Variants in SHISAL1 observed in about 807,000 individuals in gnomAD.
SHISAL1 encodes the protein protein shisa-like-1.
A neutral mutation model predicts 22.6 loss-of-function variants in SHISAL1; 9 were observed. The observed-to-expected ratio is 0.40, with a 90% CI of 0.24 to 0.70. The LOEUF (loss-of-function observed/expected upper bound fraction) is 0.70, where lower values mean the gene tolerates loss of function less well. SHISAL1 is among the 30% of genes least tolerant of loss of function. The pLI, the probability that SHISAL1 is intolerant of heterozygous loss-of-function variation, is 0.39. For missense variants in SHISAL1, 246 were observed against 270.6 expected (o/e 0.91, Z 0.64); for synonymous variants, 119 against 115.4 (o/e 1.03, Z -0.20).
Position 44,296,684 on chromosome 22 carries a change from C to A in SHISAL1, c.269G>T (p.Gly90Val), listed in dbSNP as rs1416522784. The stretch of plus-strand genomic sequence containing the variant: ...GAGTGGCACTCACTTGTGCATGTAA[C>A]CCTCGGAGCTGGCCGTGAGGTTCGC... ...MQANLTASSE[G>V]YMHNNYTALL... The change falls in exon 3 of 5, where the codon GGT (glycine) becomes GTT (valine). Residue 90 changes from glycine to valine, a missense_variant. Physicochemically the swap from Gly to Val is moderately radical, Grantham distance 109 (BLOSUM62 -3). This residue lies in a region of SHISAL1 where 110 missense variants were observed against 153.1 expected (regional missense o/e 0.72). Transcript: ENST00000381176. 2 of 1,613,634 alleles carry A rather than the reference C, an allele frequency of 1.2e-6. No individual in the cohort carries two copies. The highest frequency in any genetic ancestry group is 1.7e-6 in the Non-Finnish European group (2 of 1,180,000).
At chr22:44,267,995 C>CT (rs2147278250) in intron 4 of SHISAL1, among the ~76,000 whole-genome samples, 1 of 152,340 alleles carries the variant, frequency 6.6e-6, no homozygotes, top group South Asian at 2.1e-4. Flanking sequence ...GCTGCCCTGG[C>CT]TTTGGGAGTG....
chr22:44,322,589 C>T, the SHISAL1 span, among the ~76,000 whole-genome samples: 2 of 152,216 alleles, frequency 1.3e-5, no homozygotes, highest in African/African-American at 4.8e-5. Context: ...GCAAGCCAGT[C>T]CTCTCCCCAC....
rs2055154007 is a variant in SHISAL1 at position 44,265,247 on chromosome 22, T to G, written c.*-15562A>C. Among the ~76,000 whole-genome samples the G allele has an allele frequency of 2.6e-5, 4 of 152,016 alleles. No homozygotes were observed. In the South Asian group the frequency reaches 8.3e-4, roughly 32 times the overall value. The stretch of plus-strand genomic sequence containing the variant: ...CTCGCTTGTAACAAATGGGTAGAAG[T>G]GACAGGGATGGGATGTCCCTTCCAA... On this transcript the variant is annotated intron_variant, in intron 4 of 4. Transcript: ENST00000381176.
chr22:44,317,658 C>A (rs1010648517), upstream of SHISAL1, among the ~76,000 whole-genome samples: 73 of 152,198 alleles, frequency 4.8e-4, no homozygotes, highest in African/African-American at 1.6e-3. Flanking sequence ...GGGGCCGAAC[C>A]CCCAGGAAGA....
intron 4 of SHISAL1, among the ~76,000 whole-genome samples, chr22:44,281,108 T>C (rs1424333092): frequency 6.6e-6 from 1 of 151,994 alleles, no homozygotes; most frequent in Non-Finnish European, 1.5e-5. Context: ...GCCCTGGCTG[T>C]ACAGAGGTGA....
intron 3 of SHISAL1, among the ~76,000 whole-genome samples, chr22:44,288,647 AG>A (rs2147293215): frequency 6.6e-6 from 1 of 152,330 alleles, no homozygotes; most frequent in East Asian, 1.9e-4. Flanking sequence ...TCTCAAAAAA[AG>A]AAAAACAAAA....
chr22:44,311,682 G>T (rs1321220301), intron 1 of SHISAL1, among the ~76,000 whole-genome samples: 2 of 152,202 alleles, frequency 1.3e-5, no homozygotes, highest in South Asian at 4.1e-4. Flanking sequence ...CAGCTGAAAG[G>T]GGCTTAGCTG....
In SHISAL1 at chr22:44,289,835, G is replaced by T. The variant is rs562208346; in HGVS notation, c.282-4090C>A. ...AAATTAATTCCATCCAGATGCAGGG[G>T]TCTTTGTTGTGTGGGTGTGTGTTTT... On this transcript the variant is annotated intron_variant, in intron 3 of 4. Coordinates refer to ENST00000381176, the MANE Select transcript of SHISAL1 (RefSeq NM_001099294.2). Among the ~76,000 whole-genome samples the T allele has an allele frequency of 2.6e-5, 4 of 152,332 alleles. No homozygotes were observed. The South Asian group carries it at 6.2e-4, about 24-fold the overall frequency.
chr22:44,320,271 T>A, the SHISAL1 span, among the ~76,000 whole-genome samples: 1 of 152,194 alleles, frequency 6.6e-6, no homozygotes, highest in South Asian at 2.1e-4. Flanking sequence ...CTTAGCCATG[T>A]CCATGTCTGA....
the SHISAL1 span, among the ~76,000 whole-genome samples, chr22:44,320,417 G>A: frequency 6.6e-6 from 1 of 152,238 alleles, no homozygotes; most frequent in African/African-American, 2.4e-5. Context: ...TGGATCAGGG[G>A]GCAGGGAGGA....
chr22:44,304,433 T>C (rs114812439), intron 1 of SHISAL1, among the ~76,000 whole-genome samples: 2,437 of 152,338 alleles, frequency 0.016, 66 homozygotes, highest in African/African-American at 0.054. Context: ...GAAGTCTGGT[T>C]TGCCAGAACA....
intron 4 of SHISAL1, among the ~76,000 whole-genome samples, chr22:44,252,231 G>T (rs1408209339): frequency 6.6e-6 from 1 of 152,150 alleles, no homozygotes; most frequent in African/African-American, 2.4e-5. Flanking sequence ...GAATTGCTTA[G>T]AAGTTTAAAA....
intron 4 of SHISAL1, among the ~76,000 whole-genome samples, chr22:44,253,468 G>A (rs369485928): frequency 2.6e-4 from 35 of 136,038 alleles, no homozygotes; most frequent in African/African-American, 8.8e-4. Flanking sequence ...TCACTCTGTC[G>A]CCCAGGCTGG....
chr22:44,284,539 T>C (rs769932951), intron 4 of SHISAL1, among the ~76,000 whole-genome samples: 9 of 152,128 alleles, frequency 5.9e-5, no homozygotes, highest in Non-Finnish European at 1.5e-5. Flanking sequence ...TATCATGATG[T>C]CCCTGGATGA....
chr22:44,251,936 T>G (rs892579838), intron 4 of SHISAL1, among the ~76,000 whole-genome samples: 2 of 152,148 alleles, frequency 1.3e-5, no homozygotes, highest in African/African-American at 2.4e-5. Context: ...AAATGTTATG[T>G]TATGCGCACT....
At chr22:44,295,427 G>A (rs769557792) in intron 3 of SHISAL1, among the ~76,000 whole-genome samples, 101 of 151,644 alleles carry the variant, frequency 6.7e-4, no homozygotes, top group African/African-American at 2.2e-3. Context: ...ATATTAAAAC[G>A]TAAAATAATT....
intron 4 of SHISAL1, among the ~76,000 whole-genome samples, chr22:44,261,024 C>T (rs1372432705): frequency 3.4e-5 from 5 of 147,278 alleles, no homozygotes; most frequent in South Asian, 4.4e-4. Context: ...ATGGCATTGA[C>T]GCAGCTCTAT....
At chr22:44,263,085 T>TCTTTC (rs2055137088) in intron 4 of SHISAL1, among the ~76,000 whole-genome samples, 9 of 142,642 alleles carry the variant, frequency 6.3e-5, no homozygotes, top group African/African-American at 2.3e-4. Context: ...CTTTCTTTTT[T>TCTTTC]TTTTTTTTTT....
At chr22:44,316,292 TCA>T (rs1370750577), upstream of SHISAL1, among the ~76,000 whole-genome samples, 2 of 151,862 alleles carry the variant, frequency 1.3e-5, no homozygotes, top group African/African-American at 4.8e-5. Context: ...ACTCTGAGCC[TCA>T]GTTTCCCCAG....
Sources: gnomAD v4.1 joint callset for allele counts (sites outside exome capture counted in the v4.1 genomes callset) on GRCh38, gnomAD v4.1.1 for gene constraint, gnomAD v4.1.1 regional missense constraint, MANE v1.5 for transcripts, NCBI Gene and HGNC (gene_info 2026-07-23, HGNC 2026-07-21) for gene names.